The following RASSF8 variants were observed in gnomAD, a reference collection of about 807,000 sequenced individuals.
The protein encoded by RASSF8 is ras association domain-containing protein 8.
Under a neutral mutation model 48.5 loss-of-function variants are expected in RASSF8, and 22 were observed. The ratio of observed to expected loss-of-function variants is 0.45; its 90% CI spans 0.32 to 0.65. The LOEUF (loss-of-function observed/expected upper bound fraction) is 0.65. Ranked by LOEUF, RASSF8 falls within the 30% of genes least tolerant of loss-of-function variation. The pLI is 0.03. For synonymous variants in RASSF8, 127 were observed against 171.5 expected (o/e 0.74, Z 2.03); for missense variants, 418 against 489.2 (o/e 0.85, Z 1.37).
At chr12:25,968,414 C>T (rs1282233576) in intron 1 of RASSF8, among the ~76,000 whole-genome samples, 1 of 152,200 alleles carries the variant, frequency 6.6e-6, no homozygotes, top group Non-Finnish European at 1.5e-5. Context: ...ACGATCTCGG[C>T]TCACTGCAGC....
At position 26,072,717 on chromosome 12, in the gene RASSF8, G is replaced by C; in HGVS notation, c.*3899G>C. 1 of 978,414 alleles carries C rather than the reference G, an allele frequency of 1.0e-6. No homozygotes were observed. Among genetic ancestry groups the C allele is most frequent in the Non-Finnish European group, 1.2e-6 (1 of 823,638 alleles). 60.6% of individuals were successfully genotyped at this position (978,414 alleles called of 1,614,324 possible). A position where few individuals can be genotyped will look rare whatever the true frequency, so the allele number is the denominator to read the frequency against. On this transcript the variant is annotated 3_prime_UTR_variant, in exon 6 of 6. Coordinates refer to ENST00000689635, the MANE Select transcript of RASSF8 (RefSeq NM_001394098.1). ...ATGCTTTTAGTACTGCTTTGCTTAT[G>C]TACAAATAAATCTGTAATATGTATT...
Position 26,070,503 on chromosome 12 carries a change from A to T in RASSF8, c.*1685A>T, listed in dbSNP as rs1294135571. 1 of 984,472 alleles carries T rather than the reference A, an allele frequency of 1.0e-6. No individual in the cohort carries two copies. Among genetic ancestry groups the T allele is most frequent in the Non-Finnish European group, 1.2e-6 (1 of 829,176 alleles). 61.0% of individuals were successfully genotyped at this position (984,472 alleles called of 1,614,324 possible). A position where few individuals can be genotyped will look rare whatever the true frequency, so the allele number is the denominator to read the frequency against. ...GAGTTATCAAATTGATCTTGCCATT[A>T]TGTTACTTTGCAAATAACTGAAGTA... On this transcript the variant is annotated 3_prime_UTR_variant, in exon 6 of 6. Coordinates refer to ENST00000689635, the MANE Select transcript of RASSF8 (RefSeq NM_001394098.1).
chr12:25,972,961 G>C (rs1941517322), intron 1 of RASSF8, among the ~76,000 whole-genome samples: 1 of 152,040 alleles, frequency 6.6e-6, no homozygotes, highest in African/African-American at 2.4e-5. Context: ...ACTCTTTGGT[G>C]TCTTGGTTTC....
chr12:25,993,702 A>G (rs1396145334), intron 1 of RASSF8, among the ~76,000 whole-genome samples: 4 of 152,128 alleles, frequency 2.6e-5, no homozygotes, highest in Admixed American at 2.6e-4. Flanking sequence ...TCACATGTGT[A>G]TATTTCTTTT....
intron 2 of RASSF8, among the ~76,000 whole-genome samples, chr12:26,014,952 T>TC (rs1942612010): frequency 6.6e-6 from 1 of 151,964 alleles, no homozygotes; most frequent in Non-Finnish European, 1.5e-5. Context: ...ACGCCTGTAA[T>TC]CCCAGCACTT....
chr12:26,071,018 A>G lies in RASSF8; in HGVS notation c.*2200A>G. The G allele has an allele frequency of 2.0e-6, 2 of 985,288 alleles. No individual in the cohort carries two copies. The highest frequency in any genetic ancestry group is 2.4e-6 in the Non-Finnish European group (2 of 829,806). 61.0% of individuals were successfully genotyped at this position (985,288 alleles called of 1,614,324 possible). The stretch of plus-strand genomic sequence containing the variant: ...CTCTGACAACTTCATCAGAATTTCC[A>G]AGCTGCCAAATAATCTTCATAGACC... On this transcript the variant is annotated 3_prime_UTR_variant, in exon 6 of 6. Transcript: ENST00000689635.
Position 26,068,692 on chromosome 12 carries a change from T to A in RASSF8, c.1139-5T>A, listed in dbSNP as rs1422102952. 3.9e-6 allele frequency: 6 copies of A among 1,536,236 alleles called. No individual in the cohort carries two copies. The African/African-American group carries it at 8.2e-5, about 21-fold the overall frequency. On this transcript the variant is annotated splice_region_variant and splice_polypyrimidine_tract_variant and intron_variant, in intron 5 of 5. Coordinates refer to ENST00000689635, the MANE Select transcript of RASSF8 (RefSeq NM_001394098.1). ...ATCAGGTGGCTCTCTTTGTTTCCTGTTTAGAGGCACCATTCCAGTCTGGGT... is the reference window on the plus strand; with the variant it reads ...ATCAGGTGGCTCTCTTTGTTTCCTGATTAGAGGCACCATTCCAGTCTGGGT...
intron 2 of RASSF8, among the ~76,000 whole-genome samples, chr12:26,001,927 A>G (rs1322232560): frequency 1.3e-5 from 2 of 152,228 alleles, no homozygotes; most frequent in East Asian, 1.9e-4. Context: ...TAAGACTGGC[A>G]GTGCAGTGAG....
At chr12:25,992,941 A>G (rs1450832925) in intron 1 of RASSF8, among the ~76,000 whole-genome samples, 1 of 152,218 alleles carries the variant, frequency 6.6e-6, no homozygotes. Context: ...GTAGGATAAT[A>G]GGATTGGATC....
intron 1 of RASSF8, among the ~76,000 whole-genome samples, chr12:25,987,477 A>C (rs1941914129): frequency 6.6e-6 from 1 of 152,222 alleles, no homozygotes; most frequent in African/African-American, 2.4e-5. Flanking sequence ...TAAGGCAGGA[A>C]ATGATAAGGT....
chr12:25,973,781 A>C (rs1310952621), intron 1 of RASSF8: 1 of 152,268 alleles, frequency 6.6e-6, no homozygotes, highest in East Asian at 1.9e-4. Flanking sequence ...AGAAGGTGCC[A>C]TCCGTGAACC....
At chr12:26,029,782 G>GA (rs907093390) in intron 2 of RASSF8, among the ~76,000 whole-genome samples, 17 of 150,774 alleles carry the variant, frequency 1.1e-4, no homozygotes, top group Admixed American at 4.0e-4. Flanking sequence ...CTGGTTAAAG[G>GA]AAAAAAAAAT....
chr12:26,028,470 T>C (rs1942962729), intron 2 of RASSF8, among the ~76,000 whole-genome samples: 1 of 152,234 alleles, frequency 6.6e-6, no homozygotes, highest in African/African-American at 2.4e-5. Context: ...TGGTGCTACA[T>C]GGAATAAATA....
chr12:26,056,369 C>T (rs1441351947), intron 3 of RASSF8, among the ~76,000 whole-genome samples: 1 of 152,060 alleles, frequency 6.6e-6, no homozygotes, highest in Non-Finnish European at 1.5e-5. Context: ...GAAAAACCAG[C>T]AATATGGGTC....
chr12:26,044,472 A>C (rs1943330762), intron 2 of RASSF8, among the ~76,000 whole-genome samples: 1 of 152,198 alleles, frequency 6.6e-6, no homozygotes, highest in South Asian at 2.1e-4. Flanking sequence ...TATACAGTTA[A>C]TTGATTCAGT....
At chr12:26,003,757 G>A (rs1019279764) in intron 2 of RASSF8, among the ~76,000 whole-genome samples, 2 of 151,942 alleles carry the variant, frequency 1.3e-5, no homozygotes, top group African/African-American at 2.4e-5. Flanking sequence ...TTAATAATCA[G>A]AAATTTTATA....
At chr12:25,967,284 C>G (rs1481656781) in intron 1 of RASSF8, among the ~76,000 whole-genome samples, 2 of 152,084 alleles carry the variant, frequency 1.3e-5, no homozygotes, top group Non-Finnish European at 2.9e-5. Flanking sequence ...CCCTCTTTTC[C>G]TTTCTTTTTT....
At chr12:25,977,965 G>T (rs1216003691) in intron 1 of RASSF8, among the ~76,000 whole-genome samples, 4 of 152,160 alleles carry the variant, frequency 2.6e-5, no homozygotes, top group African/African-American at 9.7e-5. Context: ...GTAAAATGGG[G>T]CATAGGGCTT....
chr12:25,979,233 A>G (rs1321568529), intron 1 of RASSF8, among the ~76,000 whole-genome samples: 1 of 152,116 alleles, frequency 6.6e-6, no homozygotes, highest in Non-Finnish European at 1.5e-5. Flanking sequence ...CAGTATAAAG[A>G]GAGAATCAAG....
Sources: gnomAD v4.1 joint callset for allele counts (sites outside exome capture counted in the v4.1 genomes callset) on GRCh38, gnomAD v4.1.1 for gene constraint, MANE v1.5 for transcripts, NCBI Gene and HGNC (gene_info 2026-07-23, HGNC 2026-07-21) for gene names.